The following SPATA16 variants were observed in gnomAD, a reference collection of about 807,000 sequenced individuals.
SPATA16 encodes the protein spermatogenesis-associated protein 16.
Under a neutral mutation model 63.3 loss-of-function variants are expected in SPATA16, and 36 were observed. That is an observed-to-expected ratio of 0.57 (90% confidence interval 0.44 to 0.75). The LOEUF is 0.75. SPATA16 is among the 30% of genes least tolerant of loss of function. The pLI, the probability that SPATA16 is intolerant of heterozygous loss-of-function variation, is 0.00. For missense variants in SPATA16, 646 were observed against 679.3 expected (o/e 0.95, Z 0.54); for synonymous variants, 203 against 216.7 (o/e 0.94, Z 0.56).
intron 2 of SPATA16, among the ~76,000 whole-genome samples, chr3:173,114,202 A>T (rs888139956): frequency 6.9e-6 from 1 of 145,060 alleles, no homozygotes; most frequent in Non-Finnish European, 1.5e-5. Context: ...AAAAAAAAAG[A>T]GTCTCATAAC....
chr3:172,946,558 C>T (rs59199035), intron 6 of SPATA16, among the ~76,000 whole-genome samples: 1 of 151,822 alleles, frequency 6.6e-6, no homozygotes, highest in Non-Finnish European at 1.5e-5. Context: ...CCAGACAGTA[C>T]TAGCCATGAG....
At position 172,976,504 on chromosome 3, in the gene SPATA16, G is replaced by A. The variant is rs949203473; in HGVS notation, c.933+464C>T. 4.1e-4 allele frequency among the ~76,000 whole-genome samples: 62 copies of A among 152,144 alleles called. 1 individual carries two copies. The highest frequency in any genetic ancestry group is 2.7e-3 in the Admixed American group (42 of 15,274). ...TGCTGCCATTTTGAATAATAAATGA[G>A]AAACAAGATCTGCAATTTGATATTG... On this transcript the variant is annotated intron_variant, in intron 5 of 10. Coordinates refer to ENST00000351008, the MANE Select transcript of SPATA16 (RefSeq NM_031955.6).
chr3:172,891,400 G>C (rs1468947329), intron 10 of SPATA16, among the ~76,000 whole-genome samples: 1 of 152,186 alleles, frequency 6.6e-6, no homozygotes, highest in Non-Finnish European at 1.5e-5. Flanking sequence ...TGGAATAAAA[G>C]AATTCCGCTG....
At chr3:173,007,759 T>A (rs1734976358) in intron 4 of SPATA16, among the ~76,000 whole-genome samples, 1 of 152,046 alleles carries the variant, frequency 6.6e-6, no homozygotes, top group Admixed American at 6.5e-5. Context: ...TGAATTGAAC[T>A]TGGTAAAATA....
In SPATA16 at chr3:173,117,197, C is replaced by T; in HGVS notation, c.535G>A (p.Ala179Thr). 6.2e-7 allele frequency: 1 copy of T among 1,614,158 alleles called. No homozygotes were observed. The highest frequency in any genetic ancestry group is 2.2e-5 in the East Asian group (1 of 44,884). ...LPQIDKWLQVALKDASSCYRQ... is the reference protein window; with the variant it reads ...LPQIDKWLQVTLKDASSCYRQ... ...TAGCAAGAGCTGGCATCCTTTAAGG[C>T]TACCTGAAGCCATTTGTCAATCTGA... The change falls in exon 2 of 11, where the codon GCC becomes ACC. Residue 179 changes from alanine to threonine, a missense_variant. By Grantham distance (58) the Ala-to-Thr change is moderately conservative. Transcript: ENST00000351008.
At chr3:173,105,545 C>T (rs1361029461) in intron 2 of SPATA16, among the ~76,000 whole-genome samples, 3 of 152,140 alleles carry the variant, frequency 2.0e-5, no homozygotes, top group Admixed American at 6.5e-5. Context: ...CTCCAAAATT[C>T]TTTCCTCATC....
intron 4 of SPATA16, among the ~76,000 whole-genome samples, chr3:172,990,652 C>G (rs921445647): frequency 6.6e-6 from 1 of 152,140 alleles, no homozygotes; most frequent in Non-Finnish European, 1.5e-5. Flanking sequence ...TGATGGGTCA[C>G]ATGAGACAGG....
chr3:173,129,773 C>T (rs1025964569), intron 1 of SPATA16, among the ~76,000 whole-genome samples: 1 of 151,988 alleles, frequency 6.6e-6, no homozygotes, highest in African/African-American at 2.4e-5. Flanking sequence ...ATTTTGTGTC[C>T]TGAAGAACAG....
intron 1 of SPATA16, among the ~76,000 whole-genome samples, chr3:173,130,120 T>C (rs1386238578): frequency 6.6e-6 from 1 of 152,008 alleles, no homozygotes; most frequent in African/African-American, 2.4e-5. Context: ...CCCAGCACTT[T>C]GGGGGGTCGA....
At chr3:172,900,424 A>T (rs1406981178) in intron 10 of SPATA16, among the ~76,000 whole-genome samples, 2 of 152,068 alleles carry the variant, frequency 1.3e-5, no homozygotes, top group East Asian at 1.9e-4. Context: ...TATCCACTCA[A>T]CTTCTTAAAT....
rs368126069 is a variant in SPATA16, at chr3:173,117,255, G to A, written c.477C>T (p.Asp159=). ...QPTCQAAEIV[D]PLSVHNFSFL... Reference sequence around the variant, plus strand: ...AGCTGAAATTATGTACACTCAAAGGGTCTACTATTTCAGCAGCTTGGCATG... The same window carrying A: ...AGCTGAAATTATGTACACTCAAAGGATCTACTATTTCAGCAGCTTGGCATG... Residue 159 remains aspartate, a synonymous_variant, in exon 2 of 11, where the codon GAC becomes GAT. Coordinates refer to ENST00000351008, the MANE Select transcript of SPATA16 (RefSeq NM_031955.6). 27 of 1,614,144 alleles carry A rather than the reference G, an allele frequency of 1.7e-5. No homozygotes were observed. In the African/African-American group the frequency reaches 3.3e-4, roughly 20 times the overall value.
intron 3 of SPATA16, among the ~76,000 whole-genome samples, chr3:173,020,805 C>G (rs1735312598): frequency 2.0e-5 from 3 of 152,160 alleles, no homozygotes. Flanking sequence ...ATGTGGGCTA[C>G]AGAATGTTAC....
chr3:173,008,189 C>T (rs1474020819), intron 4 of SPATA16, among the ~76,000 whole-genome samples: 1 of 152,286 alleles, frequency 6.6e-6, no homozygotes, highest in East Asian at 1.9e-4. Context: ...GGCCCTCAGC[C>T]TTCCATGGGC....
At chr3:173,137,623 T>C (rs1224120523) in intron 1 of SPATA16, among the ~76,000 whole-genome samples, 1 of 152,220 alleles carries the variant, frequency 6.6e-6, no homozygotes, top group Non-Finnish European at 1.5e-5. Context: ...AATCTGGTAA[T>C]GACTCTCATA....
At chr3:173,133,916 T>C (rs922898757) in intron 1 of SPATA16, among the ~76,000 whole-genome samples, 1 of 152,084 alleles carries the variant, frequency 6.6e-6, no homozygotes, top group Non-Finnish European at 1.5e-5. Context: ...TCTTTTCAAG[T>C]GTACCTGCAA....
intron 3 of SPATA16, among the ~76,000 whole-genome samples, chr3:173,027,134 CA>C (rs577500912): frequency 2.0e-5 from 3 of 151,834 alleles, no homozygotes; most frequent in Non-Finnish European, 4.4e-5. Flanking sequence ...ACACAAACTT[CA>C]TTAGATTTAT....
At position 172,947,595 on chromosome 3, in the gene SPATA16, C is replaced by T. The variant is rs544144563; in HGVS notation, c.1081+9082G>A. 4.6e-5 allele frequency among the ~76,000 whole-genome samples: 7 copies of T among 151,162 alleles called. No individual in the cohort carries two copies. In the South Asian group the frequency reaches 1.5e-3, roughly 31 times the overall value. Reference sequence around the variant, plus strand: ...TGCTGATTAGAAGTGGAATACTATGCAGCCATAAAAAGGATGAGTTCTTGT... The same window carrying T: ...TGCTGATTAGAAGTGGAATACTATGTAGCCATAAAAAGGATGAGTTCTTGT... On this transcript the variant is annotated intron_variant, in intron 6 of 10. Coordinates refer to ENST00000351008, the MANE Select transcript of SPATA16 (RefSeq NM_031955.6).
chr3:173,024,034 C>T (rs755827833), intron 3 of SPATA16, among the ~76,000 whole-genome samples: 23 of 151,336 alleles, frequency 1.5e-4, no homozygotes, highest in Non-Finnish European at 3.0e-4. Context: ...CACATTTTAA[C>T]GAGATTCTTA....
At position 172,962,253 on chromosome 3, in the gene SPATA16, C is replaced by CAAAAAAAA. The variant is rs71162320; in HGVS notation, c.934-5437_934-5430dup. On this transcript the variant is annotated intron_variant, in intron 5 of 10. Transcript: ENST00000351008. ...TGGGCAACAGAGCAAGACTCTGTCT[C>CAAAAAAAA]AAAAAAAAAAAAAAAAAAAAAAAAA... Among the ~76,000 whole-genome samples the CAAAAAAAA allele has an allele frequency of 5.7e-4, 27 of 47,704 alleles. 3 individuals carry two copies. Among genetic ancestry groups the CAAAAAAAA allele is most frequent in the African/African-American group, 2.2e-3 (25 of 11,410 alleles). The allele number at this position is 47,704 out of a possible 152,430, so 31.3% of individuals were successfully genotyped here. A position where few individuals can be genotyped will look rare whatever the true frequency, so the allele number is the denominator to read the frequency against.
Sources: allele counts gnomAD v4.1 joint callset (sites outside exome capture counted in the v4.1 genomes callset), GRCh38; gene constraint gnomAD v4.1.1; transcripts MANE v1.5; gene names NCBI Gene and HGNC (gene_info 2026-07-23, HGNC 2026-07-21).